The following USP45 variants were observed in gnomAD, a reference collection of about 807,000 sequenced individuals.
USP45 encodes the protein ubiquitin specific peptidase 45, also known as ubiquitin carboxyl-terminal hydrolase 45.
USP45 carries 89 observed loss-of-function variants against 95.8 expected under a neutral mutation model. The ratio of observed to expected loss-of-function variants is 0.93; its 90% CI spans 0.78 to 1.11. The LOEUF (loss-of-function observed/expected upper bound fraction) is 1.11. USP45 is among the 50% of genes least tolerant of loss of function. USP45 has a pLI of 0.00. For missense variants in USP45, 898 were observed against 942.5 expected, an observed-to-expected ratio of 0.95 and a Z score of 0.62; for synonymous variants, 281 against 316.2, an observed-to-expected ratio of 0.89 and a Z score of 1.18.
chr6:99,505,640 C>CAAA (rs11303051), intron 4 of USP45, among the ~76,000 whole-genome samples: 67 of 85,334 alleles, frequency 7.9e-4, no homozygotes, highest in African/African-American at 2.9e-3. Context: ...GATTCCATCT[C>CAAA]AAAAAAAAAA....
intron 7 of USP45, among the ~76,000 whole-genome samples, chr6:99,484,852 GTC>G (rs1291921620): frequency 4.4e-5 from 3 of 67,654 alleles, no homozygotes; most frequent in Non-Finnish European, 9.1e-5. Flanking sequence ...AAAAAATAAA[GTC>G]TATTTTTTTT....
chr6:99,495,093 C>A (rs1796014753), intron 5 of USP45, among the ~76,000 whole-genome samples: 1 of 152,104 alleles, frequency 6.6e-6, no homozygotes, highest in African/African-American at 2.4e-5. Context: ...CAAAACTGAA[C>A]TATAAACAAA....
At chr6:99,448,527 T>C (rs948736959) in intron 13 of USP45, among the ~76,000 whole-genome samples, 15 of 152,082 alleles carry the variant, frequency 9.9e-5, no homozygotes, top group Admixed American at 8.5e-4. Flanking sequence ...CCAAGAAATA[T>C]GGGAATATGT....
chr6:99,507,502 A>C lies in USP45; in HGVS notation c.303T>G (p.His101Gln). 1.2e-6 allele frequency: 2 copies of C among 1,613,154 alleles called. No individual in the cohort carries two copies. Among genetic ancestry groups the C allele is most frequent in the Non-Finnish European group, 1.7e-6 (2 of 1,179,502 alleles). The change falls in exon 4 of 18, where the codon CAT becomes CAG. Residue 101 changes from histidine (H) to glutamine (Q), a missense_variant. By Grantham distance (24) the His-to-Gln change is conservative. Coordinates refer to ENST00000500704, the MANE Select transcript of USP45 (RefSeq NM_001346022.3). ...TGGAACTCTTAAAGTGCTTCAATGA[A>C]TGTTGGCTTTCTGAGTTTTTACCAC... Reference protein sequence around the residue: ...QGCGKNSESQHSLKHFKSSRT... With the variant: ...QGCGKNSESQQSLKHFKSSRT...
chr6:99,460,745 G>T (rs977566627), intron 13 of USP45: 5 of 977,812 alleles, frequency 5.1e-6, no homozygotes, highest in Non-Finnish European at 6.1e-6. Flanking sequence ...GTAAATAAGA[G>T]GACTATGATT....
intron 10 of USP45, 44 bp from the exon 11 acceptor site, chr6:99,466,807 C>A (rs770166989): frequency 6.8e-7 from 1 of 1,469,180 alleles, no homozygotes. Context: ...TGTCAACCAT[C>A]CATCTAGCAG....
chr6:99,447,156 A>G (rs1782717122), intron 13 of USP45, among the ~76,000 whole-genome samples: 1 of 152,212 alleles, frequency 6.6e-6, no homozygotes, highest in South Asian at 2.1e-4. Context: ...TAGATCTGGA[A>G]GAAAATTACG....
chr6:99,516,441 C>G (rs1583539176), upstream of USP45, among the ~76,000 whole-genome samples: 3 of 152,258 alleles, frequency 2.0e-5, no homozygotes, highest in East Asian at 5.8e-4. Flanking sequence ...TCAGAAGATA[C>G]GAGAGTTAAA....
intron 14 of USP45, among the ~76,000 whole-genome samples, chr6:99,445,324 A>C (rs1782300522): frequency 6.6e-6 from 1 of 152,060 alleles, no homozygotes; most frequent in Admixed American, 6.5e-5. Flanking sequence ...CTCTACTAAA[A>C]ATACAAAAAT....
At chr6:99,447,322 GA>G (rs1782752482) in intron 13 of USP45, among the ~76,000 whole-genome samples, 1 of 151,856 alleles carries the variant, frequency 6.6e-6, no homozygotes, top group Non-Finnish European at 1.5e-5. Context: ...AAAAAATAAA[GA>G]AAAGACTATC....
chr6:99,485,282 T>C (rs970772852), intron 7 of USP45, among the ~76,000 whole-genome samples: 3 of 151,652 alleles, frequency 2.0e-5, no homozygotes, highest in African/African-American at 7.3e-5. Flanking sequence ...GAGGCAGAGG[T>C]TGCAGTGAGC....
At chr6:99,436,778 A>T (rs1195696529) in intron 17 of USP45, among the ~76,000 whole-genome samples, 3 of 152,044 alleles carry the variant, frequency 2.0e-5, no homozygotes, top group South Asian at 4.2e-4. Context: ...GAGATTTTCT[A>T]GGCACTCCTA....
chr6:99,466,155 A>G (rs950066707), intron 11 of USP45, among the ~76,000 whole-genome samples: 1 of 152,084 alleles, frequency 6.6e-6, no homozygotes, highest in African/African-American at 2.4e-5. Context: ...CATTGGGACT[A>G]TAGGCACCCA....
intron 9 of USP45, among the ~76,000 whole-genome samples, chr6:99,471,295 A>T (rs367985755): frequency 1.3e-5 from 2 of 152,220 alleles, no homozygotes; most frequent in East Asian, 3.8e-4. Flanking sequence ...AAAGATACAT[A>T]CTTTGGTCAG....
At chr6:99,452,202 C>G (rs1209974789) in intron 13 of USP45, among the ~76,000 whole-genome samples, 1 of 152,174 alleles carries the variant, frequency 6.6e-6, no homozygotes. Flanking sequence ...AACTAAGGAG[C>G]TTCTGCACAT....
intron 5 of USP45, among the ~76,000 whole-genome samples, chr6:99,501,441 G>A (rs1306700243): frequency 1.3e-5 from 2 of 152,030 alleles, no homozygotes; most frequent in Non-Finnish European, 1.5e-5. Flanking sequence ...TCATCTCTTT[G>A]CACTCTCTCC....
rs959294366 is a variant in USP45 at position 99,434,242 on chromosome 6, A to G, written c.*1474T>C. 6 of 152,330 alleles carry G rather than the reference A, an allele frequency of 3.9e-5. No individual in the cohort carries two copies. In the South Asian group the frequency reaches 1.0e-3, roughly 26 times the overall value. 9.4% of individuals were successfully genotyped at this position (152,330 alleles called of 1,614,324 possible). ...TATGTTCATCCATATATCAAAAGGCAGCACTGGTAACCTTGATAACATTAT... is the reference window on the plus strand; with the variant it reads ...TATGTTCATCCATATATCAAAAGGCGGCACTGGTAACCTTGATAACATTAT... On this transcript the variant is annotated 3_prime_UTR_variant, in exon 18 of 18. Transcript: ENST00000500704.
In USP45 at chr6:99,446,442, T is replaced by C; in HGVS notation, c.1330A>G (p.Lys444Glu). 1 of 1,613,162 alleles carries C rather than the reference T, an allele frequency of 6.2e-7. No individual in the cohort carries two copies. Among genetic ancestry groups the C allele is most frequent in the Non-Finnish European group, 8.5e-7 (1 of 1,179,780 alleles). ...CCAGATGACAATTTTCTAATACATT[T>C]TCGGTCATGAATTAGTTGACTCTGT... ...KDKSQLIHDR[K>E]CIRKLSSGET... Residue 444 changes from lysine to glutamate, a missense_variant, in exon 14 of 18, where the codon AAA becomes GAA. Coordinates refer to ENST00000500704, the MANE Select transcript of USP45 (RefSeq NM_001346022.3).
chr6:99,445,120 G>A (rs1346166155), intron 14 of USP45, among the ~76,000 whole-genome samples: 1 of 152,138 alleles, frequency 6.6e-6, no homozygotes, highest in Non-Finnish European at 1.5e-5. Flanking sequence ...CTTACGTTGA[G>A]TTTACAACAG....
Sources: allele counts gnomAD v4.1 joint callset (sites outside exome capture counted in the v4.1 genomes callset), GRCh38; gene constraint gnomAD v4.1.1; transcripts MANE v1.5; gene names NCBI Gene and HGNC (gene_info 2026-07-23, HGNC 2026-07-21).